The following SUMF1 variants were observed in gnomAD, a reference collection of about 807,000 sequenced individuals.
SUMF1 encodes the protein sulfatase modifying factor 1.
Under a neutral mutation model 47.6 loss-of-function variants are expected in SUMF1, and 48 were observed. The ratio of observed to expected loss-of-function variants is 1.01; its 90% CI spans 0.80 to 1.28. The LOEUF (loss-of-function observed/expected upper bound fraction) is 1.28, where lower values mean the gene tolerates loss of function less well. SUMF1 is among the 50% of genes most tolerant of loss of function. The pLI is 0.00. For missense variants in SUMF1, 571 were observed against 485.4 expected (o/e 1.18, Z -1.66); for synonymous variants, 230 against 192.1 (o/e 1.20, Z -1.63).
At chr3:4,079,375 G>T (rs776595817) in intron 8 of SUMF1, among the ~76,000 whole-genome samples, 22 of 152,020 alleles carry the variant, frequency 1.4e-4, no homozygotes, top group Non-Finnish European at 2.9e-4. Context: ...TAGATGCCTG[G>T]AGTGACATGA....
chr3:4,138,744 T>C (rs1252492687), intron 8 of SUMF1, among the ~76,000 whole-genome samples: 1 of 152,112 alleles, frequency 6.6e-6, no homozygotes, highest in East Asian at 1.9e-4. Flanking sequence ...CTGGTTCTAA[T>C]TTATACCTTT....
chr3:4,396,741 G>T (rs1339264227), intron 7 of SUMF1, among the ~76,000 whole-genome samples: 8 of 152,126 alleles, frequency 5.3e-5, no homozygotes, highest in African/African-American at 1.7e-4. Context: ...TCATTCGAGG[G>T]CCTCAAGTTT....
intron 2 of SUMF1, among the ~76,000 whole-genome samples, chr3:4,450,598 AGC>A (rs2125127838): frequency 6.6e-6 from 1 of 152,352 alleles, no homozygotes; most frequent in Admixed American, 6.5e-5. Context: ...AATATCAGAT[AGC>A]CATGGCCCCT....
At chr3:4,233,364 G>A (rs987912151) in intron 8 of SUMF1, among the ~76,000 whole-genome samples, 3 of 152,106 alleles carry the variant, frequency 2.0e-5, no homozygotes, top group Non-Finnish European at 4.4e-5. Context: ...CTTGTAGGGA[G>A]TTTTGACCTA....
At chr3:4,368,088 C>G (rs1700040028) in intron 8 of SUMF1, among the ~76,000 whole-genome samples, 1 of 152,134 alleles carries the variant, frequency 6.6e-6, no homozygotes, top group Admixed American at 6.5e-5. Flanking sequence ...ACCTACTCAT[C>G]TGACAAAGGG....
At chr3:4,254,197 G>T (rs951757797) in intron 8 of SUMF1, among the ~76,000 whole-genome samples, 5 of 152,002 alleles carry the variant, frequency 3.3e-5, no homozygotes, top group Non-Finnish European at 5.9e-5. Context: ...ACTCTAAAAA[G>T]CAGAGCGCCT....
intron 6 of SUMF1, chr3:4,414,558 C>T (rs1261589792): frequency 6.6e-6 from 1 of 152,252 alleles, no homozygotes; most frequent in Non-Finnish European, 1.5e-5. Flanking sequence ...AGCTGTCTCT[C>T]TCTGGCTGGC....
chr3:4,124,356 T>C (rs1693609368), intron 8 of SUMF1, among the ~76,000 whole-genome samples: 1 of 152,172 alleles, frequency 6.6e-6, no homozygotes, highest in South Asian at 2.1e-4. Context: ...GTCAGTTTGG[T>C]ACAAGTAATG....
At chr3:4,263,180 T>C (rs1464812282) in intron 8 of SUMF1, among the ~76,000 whole-genome samples, 1 of 152,158 alleles carries the variant, frequency 6.6e-6, no homozygotes. Flanking sequence ...ATCTGTAATA[T>C]TAGGTTATCC....
intron 8 of SUMF1, among the ~76,000 whole-genome samples, chr3:4,084,134 C>T (rs1377449389): frequency 6.6e-6 from 1 of 152,034 alleles, no homozygotes; most frequent in Non-Finnish European, 1.5e-5. Context: ...CACTCTAATT[C>T]CTTTGGAAGT....
At chr3:4,451,854 T>G (rs976517285) in intron 2 of SUMF1, among the ~76,000 whole-genome samples, 6 of 152,082 alleles carry the variant, frequency 3.9e-5, no homozygotes, top group African/African-American at 1.4e-4. Context: ...CGGCTAATTT[T>G]TTGTACTTTT....
chr3:4,145,191 TAAAAAAAAAAAAA>T (rs35699553), intron 8 of SUMF1, among the ~76,000 whole-genome samples: 1 of 90,510 alleles, frequency 1.1e-5, no homozygotes, highest in African/African-American at 4.2e-5. Context: ...AAACTCCGTC[TAAAAAAAAAAAAA>T]AAAAAAAAAG....
chr3:4,214,668 T>G (rs1389939852), intron 8 of SUMF1, among the ~76,000 whole-genome samples: 2 of 150,462 alleles, frequency 1.3e-5, no homozygotes, highest in African/African-American at 4.9e-5. Context: ...GCAAGACTAA[T>G]AGAGAGAAGA....
chr3:4,071,227 G>C (rs1461026534), intron 8 of SUMF1, among the ~76,000 whole-genome samples: 1 of 152,128 alleles, frequency 6.6e-6, no homozygotes, highest in African/African-American at 2.4e-5. Context: ...CTCCCAGCGA[G>C]ATCGACACAG....
intron 8 of SUMF1, among the ~76,000 whole-genome samples, chr3:4,101,633 A>G (rs546516493): frequency 1.3e-5 from 2 of 152,216 alleles, no homozygotes; most frequent in South Asian, 4.2e-4. Flanking sequence ...TAGCTAAAAG[A>G]GAGTATTTTT....
At chr3:4,232,263 G>A (rs1696316918) in intron 8 of SUMF1, among the ~76,000 whole-genome samples, 1 of 152,138 alleles carries the variant, frequency 6.6e-6, no homozygotes, top group Non-Finnish European at 1.5e-5. Context: ...AAGAGGCCAA[G>A]ATGAGGGAAA....
Position 4,440,816 on chromosome 3 carries a change from A to G in SUMF1, c.519+8450T>C, listed in dbSNP as rs78362491. On this transcript the variant is annotated intron_variant, in intron 3 of 8. Transcript: ENST00000272902. ...GTTGATCCAGAAAGTGCCAAGCTAC[A>G]AATGAAGAGAGAATCCTTGTTCCTC... 3.3e-3 allele frequency among the ~76,000 whole-genome samples: 497 copies of G among 152,342 alleles called. 1 individual carries two copies. Among genetic ancestry groups the G allele is most frequent in the Middle Eastern group, 0.027 (8 of 294 alleles).
intron 8 of SUMF1, among the ~76,000 whole-genome samples, chr3:4,085,716 T>A (rs966228391): frequency 5.9e-5 from 9 of 152,248 alleles, no homozygotes; most frequent in African/African-American, 1.4e-4. Flanking sequence ...AGACTTAGTA[T>A]TTTTTGTTCT....
chr3:4,236,764 A>G (rs148572153), intron 8 of SUMF1, among the ~76,000 whole-genome samples: 1 of 152,062 alleles, frequency 6.6e-6, no homozygotes, highest in South Asian at 2.1e-4. Context: ...ATTATCACCT[A>G]AAGTCCATCA....
Sources: gnomAD v4.1 joint callset for allele counts (sites outside exome capture counted in the v4.1 genomes callset) on GRCh38, gnomAD v4.1.1 for gene constraint, MANE v1.5 for transcripts, NCBI Gene and HGNC (gene_info 2026-07-23, HGNC 2026-07-21) for gene names.